SLAIN1: variants seen among roughly 807,000 people sequenced by gnomAD.
SLAIN1 encodes SLAIN family member 1.
SLAIN1 carries 17 observed loss-of-function variants against 55.4 expected under a neutral mutation model. The ratio of observed to expected loss-of-function variants is 0.31; its 90% confidence interval spans 0.21 to 0.46. The LOEUF (loss-of-function observed/expected upper bound fraction) is 0.46, where lower values mean the gene tolerates loss of function less well. Ranked by LOEUF, SLAIN1 falls within the 20% of genes least tolerant of loss-of-function variation. SLAIN1 has a pLI of 1.00. For synonymous variants in SLAIN1, 348 were observed against 337.4 expected, an observed-to-expected ratio of 1.03 and a Z score of -0.35; for missense variants, 682 against 785.1, an observed-to-expected ratio of 0.87 and a Z score of 1.57.
chr13:77,749,496 A>G (rs1234256408), intron 4 of SLAIN1, among the ~76,000 whole-genome samples: 1 of 152,136 alleles, frequency 6.6e-6, no homozygotes, highest in Non-Finnish European at 1.5e-5. Flanking sequence ...TTTGGTGGAC[A>G]ATGAGTGTCT....
Position 77,744,312 on chromosome 13 carries a change from C to G in SLAIN1, c.796C>G (p.Pro266Ala), listed in dbSNP as rs1287988377. 6.2e-7 allele frequency: 1 copy of G among 1,612,740 alleles called. No homozygotes were observed. Among genetic ancestry groups the G allele is most frequent in the South Asian group, 1.1e-5 (1 of 91,052 alleles). Reference sequence around the variant, plus strand: ...CACTTCCAGGGGCTCCCCACTCAGTCCCCAGTCATCTATCGACAGTGAGCT... The same window carrying G: ...CACTTCCAGGGGCTCCCCACTCAGTGCCCAGTCATCTATCGACAGTGAGCT... ...GYTSRGSPLS[P>A]QSSIDSELST... Residue 266 changes from proline to alanine, a missense_variant, in exon 3 of 7, where the codon CCC (proline) becomes GCC (alanine). Around this residue, in one of 3 missense-constraint regions of SLAIN1, gnomAD observed 401 missense variants for 417.3 expected, o/e 0.96. Coordinates refer to ENST00000418532, the MANE Select transcript of SLAIN1 (RefSeq NM_001242868.2).
At chr13:77,743,495 A>AT (rs11407603) in intron 2 of SLAIN1, 152,845 of 153,490 alleles carry the variant, frequency 1, 76,101 homozygotes, top group Middle Eastern at 1. Flanking sequence ...GTAAGTCTGT[A>AT]TTTTTTTTAA....
chr13:77,720,220 G>A (rs762425251), intron 2 of SLAIN1, among the ~76,000 whole-genome samples: 10 of 152,142 alleles, frequency 6.6e-5, no homozygotes, highest in Non-Finnish European at 1.3e-4. Flanking sequence ...AAATGAATGA[G>A]TGGTACTCAG....
At position 77,698,995 on chromosome 13, in the gene SLAIN1, C is replaced by T. The variant is rs1290362287; in HGVS notation, c.626+456C>T. The T allele has an allele frequency of 6.5e-7, 1 of 1,534,708 alleles. No individual in the cohort carries two copies. The highest frequency in any genetic ancestry group is 1.4e-5 in the African/African-American group (1 of 72,988). On this transcript the variant is annotated intron_variant, in intron 1 of 6. Coordinates refer to ENST00000418532, the MANE Select transcript of SLAIN1 (RefSeq NM_001242868.2). The surrounding 1 kb of genome is among the most constrained non-coding windows in gnomAD (Gnocchi z 4.1). ...TTAAACGAACGCTGGACAGGATTTGCGTGCTCTTCCTCCTCGGGTGGCATC... is the reference window on the plus strand; with the variant it reads ...TTAAACGAACGCTGGACAGGATTTGTGTGCTCTTCCTCCTCGGGTGGCATC...
chr13:77,757,193 T>G (rs1874667247), intron 5 of SLAIN1, among the ~76,000 whole-genome samples: 1 of 152,122 alleles, frequency 6.6e-6, no homozygotes, highest in Non-Finnish European at 1.5e-5. Context: ...TATTAACATC[T>G]TGTGTTAGTG....
chr13:77,697,945 C>T lies in SLAIN1; in HGVS notation c.32C>T (p.Ala11Val), dbSNP rs752018357. The stretch of plus-strand genomic sequence containing the variant: ...GCGGAGCAGGTGAAATGCGCCTCGG[C>T]AGGGGTCAGCTCTGGAGCGGGCTCC... Reference protein sequence around the residue: MMAEQVKCASAGVSSGAGSGP... With the variant: MMAEQVKCASVGVSSGAGSGP... Residue 11 changes from alanine to valine, a missense_variant, in exon 1 of 7, where the codon GCA becomes GTA. Physicochemically the swap from Ala to Val is moderately conservative, Grantham distance 64 (BLOSUM62 0). Coordinates refer to ENST00000418532, the MANE Select transcript of SLAIN1 (RefSeq NM_001242868.2). The T allele has an allele frequency of 7.0e-6, 10 of 1,432,276 alleles. No individual in the cohort carries two copies. The South Asian group carries it at 1.0e-4, about 15-fold the overall frequency. The allele number at this position is 1,432,276 out of a possible 1,614,324, so 88.7% of individuals were successfully genotyped here. A position where few individuals can be genotyped will look rare whatever the true frequency, so the allele number is the denominator to read the frequency against.
At chr13:77,723,947 AC>A (rs2091285566) in intron 2 of SLAIN1, among the ~76,000 whole-genome samples, 2 of 144,444 alleles carry the variant, frequency 1.4e-5, no homozygotes, top group African/African-American at 2.5e-5. Context: ...AAAAAAAAAA[AC>A]ACATCTTCTA....
At chr13:77,743,309 G>A (rs904464046) in intron 2 of SLAIN1, 8 of 518,616 alleles carry the variant, frequency 1.5e-5, no homozygotes, top group Non-Finnish European at 2.1e-5. Flanking sequence ...GGGTACAAAA[G>A]GCCTAGCACT....
At chr13:77,719,744 G>A in intron 2 of SLAIN1, 73 bp downstream of exon 2, 2 of 1,529,688 alleles carry the variant, frequency 1.3e-6, no homozygotes, top group Middle Eastern at 1.8e-4. Context: ...GCTGGTTTTG[G>A]AATAAACATT....
chr13:77,741,646 AT>A (rs11330491), intron 2 of SLAIN1: 41,942 of 141,482 alleles, frequency 0.3, 7,009 homozygotes, highest in African/African-American at 0.5. Context: ...AGTAAAAGGA[AT>A]TTTTTTTTTT....
chr13:77,744,509 C>G, intron 3 of SLAIN1, 77 bp downstream of exon 3: 2 of 1,596,944 alleles, frequency 1.3e-6, no homozygotes, highest in Non-Finnish European at 1.7e-6. Context: ...TCAGGCATTT[C>G]TCTCCAGGTA....
intron 5 of SLAIN1, among the ~76,000 whole-genome samples, chr13:77,755,321 T>C (rs1316804986): frequency 6.6e-6 from 1 of 150,800 alleles, no homozygotes; most frequent in African/African-American, 2.4e-5. Context: ...AGACCCTGTC[T>C]TGAAAAAAGA....
intron 2 of SLAIN1, among the ~76,000 whole-genome samples, chr13:77,724,406 C>A (rs768181252): frequency 1.2e-3 from 185 of 152,242 alleles, no homozygotes; most frequent in Non-Finnish European, 2.3e-3. Context: ...AAACCCAAGT[C>A]TCTTCCGCTT....
intron 5 of SLAIN1, 75 bp downstream of exon 5, chr13:77,753,433 ATGTC>A (rs1874384155): frequency 2.3e-6 from 2 of 861,384 alleles, no homozygotes; most frequent in Non-Finnish European, 3.0e-6. Flanking sequence ...TGTAAGGAAA[ATGTC>A]TGTTTTATTT....
In SLAIN1 at chr13:77,697,778, C is replaced by A; in HGVS notation, c.-136C>A. ...AGGGCCCGGTGCTGATGCGAACCGC[C>A]GGCTCGGCCTCAGCCCGCGCGTGGT... On this transcript the variant is annotated 5_prime_UTR_variant, in exon 1 of 7. Transcript: ENST00000418532. The A allele has an allele frequency of 1.1e-6, 1 of 943,070 alleles. No individual in the cohort carries two copies. Among genetic ancestry groups the A allele is most frequent in the Non-Finnish European group, 1.3e-6 (1 of 748,246 alleles). The allele number at this position is 943,070 out of a possible 1,614,324, so 58.4% of individuals were successfully genotyped here. A position where few individuals can be genotyped will look rare whatever the true frequency, so the allele number is the denominator to read the frequency against.
intron 2 of SLAIN1, among the ~76,000 whole-genome samples, chr13:77,722,193 C>T (rs924011630): frequency 4.0e-5 from 6 of 151,786 alleles, no homozygotes; most frequent in East Asian, 1.9e-4. Context: ...GTTTAGAGAA[C>T]GAGTTTTTCA....
intron 4 of SLAIN1, among the ~76,000 whole-genome samples, chr13:77,748,398 CTTTTTTTTTTTTTTT>C (rs934265928): frequency 1.3e-5 from 1 of 79,564 alleles, no homozygotes; most frequent in Non-Finnish European, 2.4e-5. Context: ...TTCTCTAAAG[CTTTTTTTTTTTTTTT>C]TTTTTTTTTT....
rs1051084605 is a variant in SLAIN1, at chr13:77,699,070, T to C, written c.626+531T>C. On this transcript the variant is annotated intron_variant, in intron 1 of 6. Coordinates refer to ENST00000418532, the MANE Select transcript of SLAIN1 (RefSeq NM_001242868.2). The stretch of plus-strand genomic sequence containing the variant: ...TCTTTATAGAGAGGTTCGTTCTTGC[T>C]GTTTGAATTTTGCAGTCGTGTGCCC... The C allele has an allele frequency of 3.3e-6, 5 of 1,529,334 alleles. No homozygotes were observed. The African/African-American group carries it at 5.5e-5, about 17-fold the overall frequency. 94.7% of individuals were successfully genotyped at this position (1,529,334 alleles called of 1,614,324 possible).
chr13:77,702,725 T>TC (rs559485140), intron 1 of SLAIN1, among the ~76,000 whole-genome samples: 91 of 151,990 alleles, frequency 6.0e-4, no homozygotes, highest in African/African-American at 2.1e-3. Flanking sequence ...TATTTTTTTT[T>TC]CCCCAGAGCT....
Sources: gnomAD v4.1 joint callset for allele counts (sites outside exome capture counted in the v4.1 genomes callset) on GRCh38, gnomAD v4.1.1 for gene constraint, gnomAD v4.1.1 regional missense constraint, Gnocchi (gnomAD v3.1) non-coding constraint, MANE v1.5 for transcripts, NCBI Gene and HGNC (gene_info 2026-07-23, HGNC 2026-07-21) for gene names.